SESN1: variants seen among roughly 807,000 people sequenced by gnomAD.
The protein encoded by SESN1 is sestrin 1.
SESN1 carries 30 observed loss-of-function variants against 59.3 expected under a neutral mutation model. The observed-to-expected ratio is 0.51, with a 90% CI of 0.38 to 0.69. The LOEUF (loss-of-function observed/expected upper bound fraction) is 0.69, where lower values mean the gene tolerates loss of function less well. SESN1 is among the 30% of genes least tolerant of loss of function. The pLI is 0.00. For synonymous variants in SESN1, 197 were observed against 219.9 expected, an observed-to-expected ratio of 0.90 and a Z score of 0.92; for missense variants, 566 against 673.0, an observed-to-expected ratio of 0.84 and a Z score of 1.76.
intron 1 of SESN1, among the ~76,000 whole-genome samples, chr6:109,067,186 G>A (rs1158423823): frequency 6.6e-6 from 1 of 152,074 alleles, no homozygotes; most frequent in African/African-American, 2.4e-5. Context: ...GAACCCCAAT[G>A]CCTCCTCACT....
intron 1 of SESN1, among the ~76,000 whole-genome samples, chr6:109,005,632 G>A (rs537838299): frequency 3.9e-5 from 6 of 152,108 alleles, no homozygotes; most frequent in Non-Finnish European, 7.4e-5. Context: ...TATGGCAAGG[G>A]TTCTATGTAA....
At chr6:109,027,865 T>G (rs982013065) in intron 1 of SESN1, among the ~76,000 whole-genome samples, 6 of 152,052 alleles carry the variant, frequency 3.9e-5, no homozygotes, top group Non-Finnish European at 8.8e-5. Context: ...TTTAAATACA[T>G]ATATATATAT....
intron 1 of SESN1, among the ~76,000 whole-genome samples, chr6:109,027,284 C>T (rs902749670): frequency 2.0e-5 from 3 of 151,748 alleles, no homozygotes; most frequent in Non-Finnish European, 1.5e-5. Flanking sequence ...ACCAGTCTGG[C>T]CAACATGGTG....
chr6:109,033,785 C>G (rs867827027), intron 1 of SESN1, among the ~76,000 whole-genome samples: 1 of 152,124 alleles, frequency 6.6e-6, no homozygotes, highest in African/African-American at 2.4e-5. Context: ...GCCATCTGGA[C>G]AGAAGAAATA....
At chr6:109,014,925 A>C (rs1583273083) in intron 1 of SESN1, among the ~76,000 whole-genome samples, 1 of 152,162 alleles carries the variant, frequency 6.6e-6, no homozygotes, top group African/African-American at 2.4e-5. Context: ...TTATTTATTT[A>C]GTTTGTCTCA....
chr6:109,021,228 C>G (rs930219169), intron 1 of SESN1, among the ~76,000 whole-genome samples: 1 of 152,128 alleles, frequency 6.6e-6, no homozygotes, highest in Admixed American at 6.5e-5. Context: ...AAGTGAACTC[C>G]CGCCTCAGCC....
chr6:109,053,702 T>C (rs1052725598), intron 1 of SESN1, among the ~76,000 whole-genome samples: 1 of 152,222 alleles, frequency 6.6e-6, no homozygotes, highest in African/African-American at 2.4e-5. Context: ...TTTCACTGCT[T>C]TTATCTGAAA....
intron 1 of SESN1, among the ~76,000 whole-genome samples, chr6:109,064,562 A>AGAGAGGAGGG (rs1474214620): frequency 2.4e-5 from 3 of 123,626 alleles, no homozygotes; most frequent in Admixed American, 8.5e-5. Context: ...AAAGAAGAGA[A>AGAGAGGAGGG]GAGAGGAGGG....
At chr6:109,027,476 CAAAAAAAA>C (rs57225616) in intron 1 of SESN1, among the ~76,000 whole-genome samples, 6 of 27,326 alleles carry the variant, frequency 2.2e-4, no homozygotes, top group South Asian at 1.7e-3. Context: ...GACTCTGTCT[CAAAAAAAA>C]AAAAAAAAAA....
chr6:109,067,366 G>T (rs1780848650), intron 1 of SESN1, among the ~76,000 whole-genome samples: 1 of 152,158 alleles, frequency 6.6e-6, no homozygotes, highest in South Asian at 2.1e-4. Flanking sequence ...TTAATGTGTA[G>T]TCATCAAGGG....
chr6:109,020,372 A>G (rs1402456354), intron 1 of SESN1, among the ~76,000 whole-genome samples: 1 of 152,220 alleles, frequency 6.6e-6, no homozygotes, highest in Non-Finnish European at 1.5e-5. Context: ...TCAAGTTACC[A>G]TTAAAATAAT....
chr6:108,989,356 A>G (rs1186849029), intron 8 of SESN1, among the ~76,000 whole-genome samples: 2 of 151,946 alleles, frequency 1.3e-5, no homozygotes, highest in Non-Finnish European at 2.9e-5. Context: ...AAACAAATTA[A>G]TTACATTTGT....
intron 7 of SESN1, among the ~76,000 whole-genome samples, chr6:108,991,340 C>G (rs1779380565): frequency 6.6e-6 from 1 of 152,144 alleles, no homozygotes; most frequent in Admixed American, 6.5e-5. Flanking sequence ...CTGCTGGGCT[C>G]AAGCGATCCT....
chr6:108,989,583 A>C (rs1229290669), intron 8 of SESN1, among the ~76,000 whole-genome samples: 1 of 151,302 alleles, frequency 6.6e-6, no homozygotes, highest in Non-Finnish European at 1.5e-5. Flanking sequence ...ATATCTATAT[A>C]TAGAGAGAGA....
chr6:108,990,628 A>G lies in SESN1; in HGVS notation c.1424+17T>C. On this transcript the variant is annotated intron_variant, in intron 8 of 9. Coordinates refer to ENST00000436639, the MANE Select transcript of SESN1 (RefSeq NM_014454.3). ...CAGAGGAAAACATCTCTTTATAAAC[A>G]CAGAAAGAAGACTAACCTTATTCCA... 7 of 1,612,360 alleles carry G rather than the reference A, an allele frequency of 4.3e-6. No individual in the cohort carries two copies. The highest frequency in any genetic ancestry group is 1.3e-5 in the African/African-American group (1 of 74,946).
chr6:109,047,480 A>G, intron 1 of SESN1, among the ~76,000 whole-genome samples: 1 of 130,158 alleles, frequency 7.7e-6, no homozygotes, highest in Admixed American at 7.2e-5. Flanking sequence ...TGGGGGGGTC[A>G]GCCCCCTGCC....
chr6:108,989,495 CTA>C (rs1294205637), intron 8 of SESN1, among the ~76,000 whole-genome samples: 1 of 137,680 alleles, frequency 7.3e-6, no homozygotes, highest in Admixed American at 7.1e-5. Context: ...ATCTCTAGAT[CTA>C]GAGATATCTA....
At chr6:109,014,629 GTTTGTTTTGT>G (rs750546757) in intron 1 of SESN1, among the ~76,000 whole-genome samples, 118 of 152,210 alleles carry the variant, frequency 7.8e-4, no homozygotes, top group Non-Finnish European at 1.1e-3. Flanking sequence ...TTTTTTGTTT[GTTTGTTTTGT>G]TTTGTTTTGT....
At chr6:109,039,242 T>C (rs1236164547) in intron 1 of SESN1, among the ~76,000 whole-genome samples, 15 of 152,170 alleles carry the variant, frequency 9.9e-5, no homozygotes, top group Non-Finnish European at 1.5e-5. Context: ...GGGAAGACCA[T>C]GACCAAAGAT....
Sources: allele counts gnomAD v4.1 joint callset (sites outside exome capture counted in the v4.1 genomes callset), GRCh38; gene constraint gnomAD v4.1.1; transcripts MANE v1.5; gene names NCBI Gene and HGNC (gene_info 2026-07-23, HGNC 2026-07-21).